Variants in NBEA observed in about 807,000 individuals in gnomAD.
NBEA encodes lysosomal-trafficking regulator 2.
NBEA carries 44 observed loss-of-function variants against 343.4 expected under a neutral mutation model. The ratio of observed to expected loss-of-function variants is 0.13; its 90% CI spans 0.10 to 0.16. The LOEUF is 0.16. Among genes scored for constraint, NBEA ranks in the 10% least tolerant of loss-of-function variants. The pLI, the probability that NBEA is intolerant of heterozygous loss-of-function variation, is 1.00. For synonymous variants in NBEA, 1,175 were observed against 1,238.7 expected (o/e 0.95, Z 1.08); for missense variants, 2,555 against 3,631.3 (o/e 0.70, Z 7.62).
At chr13:35,118,152 T>A in intron 14 of NBEA, 76 bp from the exon 15 acceptor site, 1 of 971,626 alleles carries the variant, frequency 1.0e-6, no homozygotes, top group Non-Finnish European at 1.5e-6. Context: ...TCTTTTACAA[T>A]GATTATTTTG....
Position 35,251,253 on chromosome 13 carries a change from G to A in NBEA, c.5776+18634G>A. The A allele has an allele frequency of 1.2e-5, 4 of 341,630 alleles. No homozygotes were observed. In the South Asian group the frequency reaches 1.6e-4, roughly 14 times the overall value. The allele number at this position is 341,630 out of a possible 1,614,324, so 21.2% of individuals were successfully genotyped here. A position where few individuals can be genotyped will look rare whatever the true frequency, so the allele number is the denominator to read the frequency against. On this transcript the variant is annotated intron_variant, in intron 34 of 58. Transcript: ENST00000379939. Reference sequence around the variant, plus strand: ...GCATTCCACTGCTGCTGTCAACCATGCAGTATGCCAGTCGTCGCTGGTAGC... The same window carrying A: ...GCATTCCACTGCTGCTGTCAACCATACAGTATGCCAGTCGTCGCTGGTAGC...
intron 49 of NBEA, among the ~76,000 whole-genome samples, chr13:35,628,979 C>A (rs17052552): frequency 0.19 from 28,727 of 152,012 alleles, 3,346 homozygotes; most frequent in East Asian, 0.45. Flanking sequence ...TACTCAAAAA[C>A]ATGCATGAAT....
At chr13:34,998,330 T>C (rs570253578) in intron 1 of NBEA, among the ~76,000 whole-genome samples, 1 of 152,216 alleles carries the variant, frequency 6.6e-6, no homozygotes, top group South Asian at 2.1e-4. Flanking sequence ...AAAATTAAAA[T>C]TGCTAATGAA....
intron 34 of NBEA, among the ~76,000 whole-genome samples, chr13:35,280,312 A>C (rs962670814): frequency 6.6e-6 from 1 of 152,114 alleles, no homozygotes; most frequent in Non-Finnish European, 1.5e-5. Context: ...GAGGCTCTAC[A>C]TCCTCTCATG....
chr13:34,999,295 C>T (rs1221973258), intron 1 of NBEA, among the ~76,000 whole-genome samples: 2 of 152,040 alleles, frequency 1.3e-5, no homozygotes, highest in Non-Finnish European at 2.9e-5. Flanking sequence ...GTAATCACAT[C>T]AGGGTAAATA....
chr13:35,478,535 C>G lies in NBEA; in HGVS notation c.6585+5999C>G, dbSNP rs117008272. On this transcript the variant is annotated intron_variant, in intron 41 of 58. Coordinates refer to ENST00000379939, the MANE Select transcript of NBEA (RefSeq NM_001385012.1). ...TCCGCTCGCCGCCTCTCTCTCGCTG[C>G]TCCGCATTCCCGTGCCCTCTTACTT... Among the ~76,000 whole-genome samples the G allele has an allele frequency of 1.6e-3, 246 of 152,386 alleles. 2 individuals carry two copies. Among genetic ancestry groups the G allele is most frequent in the Non-Finnish European group, 3.0e-3 (202 of 68,042 alleles).
chr13:35,338,298 A>AGATTATAAG (rs970526955), intron 36 of NBEA, among the ~76,000 whole-genome samples: 83 of 152,100 alleles, frequency 5.5e-4, no homozygotes, highest in African/African-American at 1.7e-3. Flanking sequence ...GAAAGAAAAA[A>AGATTATAAG]GATTATAAGG....
chr13:35,582,532 A>G (rs2081102285), intron 45 of NBEA, among the ~76,000 whole-genome samples: 1 of 152,168 alleles, frequency 6.6e-6, no homozygotes, highest in Non-Finnish European at 1.5e-5. Context: ...CTTTTTAAAA[A>G]ATCTAAATTT....
At chr13:35,383,954 A>G (rs558324394) in intron 38 of NBEA, among the ~76,000 whole-genome samples, 3 of 152,082 alleles carry the variant, frequency 2.0e-5, no homozygotes, top group Admixed American at 6.6e-5. Context: ...AGCCAAGCAG[A>G]TAGGTATTGG....
intron 38 of NBEA, among the ~76,000 whole-genome samples, chr13:35,394,020 G>C (rs1003580657): frequency 2.0e-4 from 31 of 152,144 alleles, no homozygotes; most frequent in Admixed American, 2.0e-3. Flanking sequence ...AGCATACCAA[G>C]ATGACTAAGG....
chr13:35,428,185 C>T (rs1685879469), intron 38 of NBEA, among the ~76,000 whole-genome samples: 1 of 152,162 alleles, frequency 6.6e-6, no homozygotes, highest in Admixed American at 6.5e-5. Flanking sequence ...AAGCCGGTAC[C>T]TCAGTTTGAA....
chr13:35,462,429 A>G (rs1176896907), intron 40 of NBEA, among the ~76,000 whole-genome samples: 1 of 152,226 alleles, frequency 6.6e-6, no homozygotes, highest in African/African-American at 2.4e-5. Context: ...CGGGAAATGT[A>G]TACTAAAACA....
intron 39 of NBEA, among the ~76,000 whole-genome samples, chr13:35,451,369 A>G (rs2046304860): frequency 2.0e-5 from 3 of 152,096 alleles, no homozygotes; most frequent in Admixed American, 6.6e-5. Flanking sequence ...TGATCCGCCC[A>G]CCTCGGCCTC....
At position 35,161,877 on chromosome 13, in the gene NBEA, G is replaced by T. The variant is rs1350458642; in HGVS notation, c.3989G>T (p.Arg1330Leu). The change falls in exon 23 of 59, where the codon CGT becomes CTT. Residue 1330 changes from arginine to leucine, a missense_variant. Arg to Leu is a moderately radical substitution (Grantham distance 102). Coordinates refer to ENST00000379939, the MANE Select transcript of NBEA (RefSeq NM_001385012.1). ...CCAGGTCCACGGACTACAATGTTTCGTATTCCTGAGTTTAAATGGTCTCCA... is the reference window on the plus strand; with the variant it reads ...CCAGGTCCACGGACTACAATGTTTCTTATTCCTGAGTTTAAATGGTCTCCA... ...FSPGPRTTMF[R>L]IPEFKWSPMH... The T allele has an allele frequency of 6.3e-7, 1 of 1,594,862 alleles. No homozygotes were observed. The highest frequency in any genetic ancestry group is 8.5e-7 in the Non-Finnish European group (1 of 1,170,332).
At chr13:35,322,029 G>A (rs1430669064) in intron 36 of NBEA, among the ~76,000 whole-genome samples, 1 of 152,168 alleles carries the variant, frequency 6.6e-6, no homozygotes, top group African/African-American at 2.4e-5. Flanking sequence ...TTAGCTTGCT[G>A]AGCTCTGTTG....
chr13:34,995,187 T>C (rs1410875044), intron 1 of NBEA, among the ~76,000 whole-genome samples: 1 of 152,202 alleles, frequency 6.6e-6, no homozygotes, highest in African/African-American at 2.4e-5. Flanking sequence ...GTGTGGTGGC[T>C]CATGCCTGTA....
intron 34 of NBEA, among the ~76,000 whole-genome samples, chr13:35,264,310 G>T (rs1423776858): frequency 6.6e-6 from 1 of 151,804 alleles, no homozygotes; most frequent in African/African-American, 2.4e-5. Context: ...TGGCTTTTCT[G>T]ATGAGTTCTA....
intron 38 of NBEA, among the ~76,000 whole-genome samples, chr13:35,401,563 A>G (rs1397095660): frequency 6.6e-6 from 1 of 152,040 alleles, no homozygotes; most frequent in Non-Finnish European, 1.5e-5. Context: ...TCCTAAGTGT[A>G]TTCTAAAACA....
chr13:35,633,848 T>G (rs2153068904), intron 49 of NBEA, among the ~76,000 whole-genome samples: 1 of 152,268 alleles, frequency 6.6e-6, no homozygotes, highest in East Asian at 1.9e-4. Flanking sequence ...AAAAATCTGT[T>G]AGCAACAGAG....
Sources: allele counts gnomAD v4.1 joint callset (sites outside exome capture counted in the v4.1 genomes callset), GRCh38; gene constraint gnomAD v4.1.1; transcripts MANE v1.5; gene names NCBI Gene and HGNC (gene_info 2026-07-23, HGNC 2026-07-21).